The following ZNF479 variants were observed in gnomAD, a reference collection of about 807,000 sequenced individuals.
The protein encoded by ZNF479 is zinc finger protein 479, also known as KRAB zinc finger protein KR19.
In ZNF479, 15 loss-of-function variants were observed where a neutral mutation model predicts 14.7. That is an observed-to-expected ratio of 1.02 (90% CI 0.68 to 1.57). The LOEUF (loss-of-function observed/expected upper bound fraction) is 1.57, where lower values mean the gene tolerates loss of function less well. Ranked by LOEUF, ZNF479 falls within the 40% of genes most tolerant of loss-of-function variation. The pLI, the probability that ZNF479 is intolerant of heterozygous loss-of-function variation, is 0.00. For synonymous variants in ZNF479, 145 were observed against 211.5 expected (o/e 0.69, Z 2.73); for missense variants, 506 against 615.1 (o/e 0.82, Z 1.88).
At position 57,121,010 on chromosome 7, in the gene ZNF479, A is replaced by T. The variant is rs553882786; in HGVS notation, c.405T>A (p.Tyr135Ter). Residue 135 changes from tyrosine to a stop codon, truncating the protein, a stop_gained, in exon 4 of 4, where the codon TAT becomes TAA. Transcript: ENST00000319636. LOFTEE classifies it low-confidence loss of function (END_TRUNC). Reference protein sequence around the residue: ...FKKCCKSVGEYEVHKGGYSEV... With the variant: ...FKKCCKSVGE ...CACTATAACCTCCCTTGTGCACCTC[A>T]TATTCACCCACACTTTTACAGCATT... The T allele has an allele frequency of 1.5e-4, 235 of 1,614,082 alleles. 5 individuals carry two copies. The South Asian group carries it at 2.3e-3, about 16-fold the overall frequency.
At position 57,118,384 on chromosome 7, in the gene ZNF479, T is replaced by C. The variant is rs1785769409; in HGVS notation, c.*1456A>G. 6.6e-6 allele frequency among the ~76,000 whole-genome samples: 1 copy of C among 152,264 alleles called. No homozygotes were observed. The highest frequency in any genetic ancestry group is 1.5e-5 in the Non-Finnish European group (1 of 68,044). ...TTACAGTAATCACATTTATAATTTT[T>C]TTTTTGAGACAGAGTCTTGCTCTGT... On this transcript the variant is annotated 3_prime_UTR_variant, in exon 4 of 4. Coordinates refer to ENST00000319636, the MANE Select transcript of ZNF479 (RefSeq NM_001370129.2).
At chr7:57,128,663 G>T (rs1208633608) in intron 1 of ZNF479, among the ~76,000 whole-genome samples, 1 of 152,152 alleles carries the variant, frequency 6.6e-6, no homozygotes, top group African/African-American at 2.4e-5. Flanking sequence ...TGTATAGAAT[G>T]CTATGGCATA....
At chr7:57,130,472 TAAA>T (rs59582725) in intron 1 of ZNF479, among the ~76,000 whole-genome samples, 2 of 143,048 alleles carry the variant, frequency 1.4e-5, no homozygotes, top group African/African-American at 5.1e-5. Context: ...AACTCTGTCT[TAAA>T]AAAAAAAAAA....
At chr7:57,134,815 C>A (rs1181941688), upstream of ZNF479, among the ~76,000 whole-genome samples, 1 of 151,980 alleles carries the variant, frequency 6.6e-6, no homozygotes, top group East Asian at 1.9e-4. Flanking sequence ...GCTGGGATTA[C>A]AGGCATGCGC....
intron 1 of ZNF479, among the ~76,000 whole-genome samples, chr7:57,130,061 T>A (rs949093360): frequency 6.6e-6 from 1 of 152,186 alleles, no homozygotes; most frequent in African/African-American, 2.4e-5. Context: ...AAAAATCTAA[T>A]GTTACAATTA....
At chr7:57,130,143 T>C (rs1305912007) in intron 1 of ZNF479, among the ~76,000 whole-genome samples, 4 of 152,110 alleles carry the variant, frequency 2.6e-5, no homozygotes, top group Non-Finnish European at 2.9e-5. Flanking sequence ...AAATCAGAGC[T>C]GAAATGAAGA....
chr7:57,127,019 T>C (rs1372835903), intron 1 of ZNF479, among the ~76,000 whole-genome samples: 16 of 133,566 alleles, frequency 1.2e-4, no homozygotes, highest in Middle Eastern at 3.7e-3. Context: ...GTTTTTCTTT[T>C]TTTTTTCTTT....
At chr7:57,123,621 G>A (rs1212644199) in intron 3 of ZNF479, among the ~76,000 whole-genome samples, 3 of 152,020 alleles carry the variant, frequency 2.0e-5, no homozygotes, top group Non-Finnish European at 4.4e-5. Context: ...ATCACTTGGG[G>A]CAAGAAGTTT....
At chr7:57,129,855 T>C (rs890517645) in intron 1 of ZNF479, among the ~76,000 whole-genome samples, 3 of 152,152 alleles carry the variant, frequency 2.0e-5, no homozygotes, top group Admixed American at 2.0e-4. Flanking sequence ...AAGGATGCAA[T>C]TACATAAAAA....
At chr7:57,129,272 C>T (rs1456902630) in intron 1 of ZNF479, among the ~76,000 whole-genome samples, 2 of 152,138 alleles carry the variant, frequency 1.3e-5, no homozygotes, top group East Asian at 1.9e-4. Context: ...GTATCTTGAA[C>T]CCCTCAAGTT....
chr7:57,122,288 A>G (rs189812226), intron 3 of ZNF479, among the ~76,000 whole-genome samples: 97 of 150,324 alleles, frequency 6.5e-4, no homozygotes, highest in African/African-American at 2.0e-3. Flanking sequence ...GAATAATAAA[A>G]CCAGAAAAAT....
chr7:57,121,435 C>G (rs1242653169), intron 3 of ZNF479, among the ~76,000 whole-genome samples: 1 of 152,144 alleles, frequency 6.6e-6, no homozygotes, highest in Non-Finnish European at 1.5e-5. Flanking sequence ...CCAACACAGC[C>G]CTTCCTCATG....
intron 1 of ZNF479, among the ~76,000 whole-genome samples, chr7:57,127,115 A>T (rs1168888559): frequency 6.9e-6 from 1 of 143,950 alleles, no homozygotes; most frequent in Non-Finnish European, 1.5e-5. Context: ...CTCCACCTCC[A>T]GGGTTCAATC....
chr7:57,139,042 G>A (rs1371182389), intron 1 of ZNF479, among the ~76,000 whole-genome samples: 1 of 152,192 alleles, frequency 6.6e-6, no homozygotes, highest in Non-Finnish European at 1.5e-5. Context: ...GTTAACAAAT[G>A]CCTGGGCAAG....
At chr7:57,129,082 A>T (rs1323218116) in intron 1 of ZNF479, among the ~76,000 whole-genome samples, 1 of 152,212 alleles carries the variant, frequency 6.6e-6, no homozygotes, top group Non-Finnish European at 1.5e-5. Flanking sequence ...GAGAACAACA[A>T]GCTTCTCCAT....
chr7:57,123,346 A>C (rs1442289149), intron 3 of ZNF479, among the ~76,000 whole-genome samples: 8 of 152,308 alleles, frequency 5.3e-5, no homozygotes. Context: ...CCATGATGCA[A>C]ACAGCTCTCA....
chr7:57,123,622 C>A (rs1337947831), intron 3 of ZNF479, among the ~76,000 whole-genome samples: 4 of 151,980 alleles, frequency 2.6e-5, no homozygotes, highest in Non-Finnish European at 5.9e-5. Flanking sequence ...TCACTTGGGG[C>A]AAGAAGTTTG....
upstream of ZNF479, among the ~76,000 whole-genome samples, chr7:57,135,234 T>C (rs4532553): frequency 0.9 from 136,260 of 152,144 alleles, 61,300 homozygotes; most frequent in East Asian, 1. Context: ...ATAAAAGGTC[T>C]CTTTTAATAA....
rs1221208293 is a variant in ZNF479 at position 57,118,211 on chromosome 7, A to G, written c.*1629T>C. ...TTCAACAAAGTTTGAGCATCTTCTC[A>G]GATCTTCAAATTTTTCCTTTAATAT... On this transcript the variant is annotated 3_prime_UTR_variant, in exon 4 of 4. Coordinates refer to ENST00000319636, the MANE Select transcript of ZNF479 (RefSeq NM_001370129.2). Among the ~76,000 whole-genome samples the G allele has an allele frequency of 1.3e-5, 2 of 152,288 alleles. No individual in the cohort carries two copies. The highest frequency in any genetic ancestry group is 4.8e-5 in the African/African-American group (2 of 41,480).
Sources: gnomAD v4.1 joint callset for allele counts (sites outside exome capture counted in the v4.1 genomes callset) on GRCh38, gnomAD v4.1.1 for gene constraint, MANE v1.5 for transcripts, NCBI Gene and HGNC (gene_info 2026-07-23, HGNC 2026-07-21) for gene names.